C11orf16: variants seen among roughly 807,000 people sequenced by gnomAD.
C11orf16 encodes the protein chromosome 11 open reading frame 16.
Under a neutral mutation model 45.1 loss-of-function variants are expected in C11orf16, and 38 were observed. The ratio of observed to expected loss-of-function variants is 0.84; its 90% CI spans 0.65 to 1.10. The LOEUF (loss-of-function observed/expected upper bound fraction) is 1.10, where lower values mean the gene tolerates loss of function less well. Among genes scored for constraint, C11orf16 ranks in the 50% least tolerant of loss-of-function variants. C11orf16 has a pLI of 0.00. For synonymous variants in C11orf16, 221 were observed against 222.0 expected, an observed-to-expected ratio of 1.00 and a Z score of 0.04; for missense variants, 583 against 569.5, an observed-to-expected ratio of 1.02 and a Z score of -0.24.
chr11:8,927,554 C>G (rs767047911), intron 3 of C11orf16: 2 of 457,834 alleles, frequency 4.4e-6, no homozygotes, highest in South Asian at 3.1e-5. Context: ...TCCAGCACCC[C>G]CAAGAAGCGT....
Position 8,925,998 on chromosome 11 carries a change from C to G in C11orf16, c.669G>C (p.Glu223Asp). 6.2e-7 allele frequency: 1 copy of G among 1,614,144 alleles called. No homozygotes were observed. The highest frequency in any genetic ancestry group is 1.6e-4 in the Middle Eastern group (1 of 6,062). ...CCCTGGTGAAAGACTTGTGCAGCCT[C>G]TCCACAGCCTTCTTCCAGATGGTCA... ...VSLTIWKKAV[E>D]RLHKSFTREH... The change falls in exon 5 of 7, where the codon GAG becomes GAC. Residue 223 changes from glutamate (E) to aspartate (D), a missense_variant. By Grantham distance (45) the Glu-to-Asp change is conservative (BLOSUM62 2). Coordinates refer to ENST00000326053, the MANE Select transcript of C11orf16 (RefSeq NM_020643.3).
At chr11:8,932,374 G>T in intron 1 of C11orf16, 48 bp from the exon 2 acceptor site, 1 of 1,470,526 alleles carries the variant, frequency 6.8e-7, no homozygotes, top group South Asian at 1.4e-5. Flanking sequence ...GAAGCAAGCA[G>T]TGGCCACCGG....
intron 2 of C11orf16, among the ~76,000 whole-genome samples, chr11:8,931,312 C>T (rs184195898): frequency 6.6e-6 from 1 of 152,202 alleles, no homozygotes; most frequent in East Asian, 1.9e-4. Flanking sequence ...CAACCTCTGC[C>T]TCCCGAGTTC....
chr11:8,921,292 A>C lies in C11orf16; in HGVS notation c.*22+2T>G, dbSNP rs780755205. On this transcript the variant is annotated splice_donor_variant, in intron 6 of 6. Transcript: ENST00000326053. LOFTEE classifies it low-confidence loss of function (3UTR_SPLICE). ...AGCCCCTTTCCAGCCATTCTGCTTT[A>C]CCTAGATCCTCAGGGCTCTTAGTCT... The C allele has an allele frequency of 6.2e-7, 1 of 1,613,088 alleles. No individual in the cohort carries two copies. The highest frequency in any genetic ancestry group is 8.5e-7 in the Non-Finnish European group (1 of 1,179,066).
intron 1 of C11orf16, among the ~76,000 whole-genome samples, chr11:8,932,659 C>T (rs1196447748): frequency 1.3e-5 from 2 of 152,312 alleles, no homozygotes; most frequent in African/African-American, 2.4e-5. Context: ...AAGCACCTGG[C>T]GTATTCAGCA....
rs1455112260 is a variant in C11orf16, at chr11:8,925,708, C to CCT, written c.957_958dup (p.Gly320GlufsTer8). 1 of 1,614,122 alleles carries CCT rather than the reference C, an allele frequency of 6.2e-7. No homozygotes were observed. The highest frequency in any genetic ancestry group is 1.3e-5 in the African/African-American group (1 of 74,952). ...CATTGCTACTTTCTCCTCTTTAGGA[C>CCT]CTTCCAGGGGCAAAAGCTGTGCTGT... On this transcript the variant is annotated frameshift_variant, in exon 5 of 7. Coordinates refer to ENST00000326053, the MANE Select transcript of C11orf16 (RefSeq NM_020643.3). LOFTEE classifies it high-confidence loss of function.
intron 3 of C11orf16, 101 bp downstream of exon 3, chr11:8,929,276 G>T: frequency 7.9e-7 from 1 of 1,272,310 alleles, no homozygotes; most frequent in Non-Finnish European, 1.1e-6. Context: ...CTGTGCTTAT[G>T]CAAGAAACCA....
chr11:8,920,597 A>G, intron 6 of C11orf16, 147 bp from the exon 7 acceptor site: 1 of 532,878 alleles, frequency 1.9e-6, no homozygotes, highest in South Asian at 2.6e-5. Flanking sequence ...CAAGGCAGGA[A>G]GATCACTTGA....
At chr11:8,929,605 A>C in intron 2 of C11orf16, 72 bp from the exon 3 acceptor site, 1 of 1,392,668 alleles carries the variant, frequency 7.2e-7, no homozygotes, top group East Asian at 2.5e-5. Flanking sequence ...CACGTTTCGC[A>C]GGTACATCTG....
chr11:8,928,824 G>C (rs928164916), intron 3 of C11orf16: 5 of 152,796 alleles, frequency 3.3e-5, no homozygotes, highest in African/African-American at 1.2e-4. Flanking sequence ...ATATGTTGAA[G>C]TCCTAGCCCC....
At position 8,927,218 on chromosome 11, in the gene C11orf16, G is replaced by A. The variant is rs765898316; in HGVS notation, c.325-44C>T. On this transcript the variant is annotated intron_variant, in intron 3 of 6. Transcript: ENST00000326053. ...TCAGAATAAGACCTGGCATTACAAA[G>A]TACAATAGGGAGCACCCAGGTTCCC... 6 of 1,504,288 alleles carry A rather than the reference G, an allele frequency of 4.0e-6. No individual in the cohort carries two copies. The Admixed American group carries it at 1.1e-4, about 28-fold the overall frequency. 93.2% of individuals were successfully genotyped at this position (1,504,288 alleles called of 1,614,324 possible).
At position 8,929,357 on chromosome 11, in the gene C11orf16, T is replaced by C; in HGVS notation, c.324+20A>G. 1 of 1,610,678 alleles carries C rather than the reference T, an allele frequency of 6.2e-7. No homozygotes were observed. The highest frequency in any genetic ancestry group is 8.5e-7 in the Non-Finnish European group (1 of 1,178,208). The stretch of plus-strand genomic sequence containing the variant: ...CACCCAGAGGAGCACGCCAGGGAGA[T>C]ACTGGGGTCAGGGACTTGCCTCGGG... On this transcript the variant is annotated intron_variant, in intron 3 of 6. Transcript: ENST00000326053.
Position 8,921,466 on chromosome 11 carries a change from C to T in C11orf16, c.1254G>A (p.Gln418=). 2 of 1,614,190 alleles carry T rather than the reference C, an allele frequency of 1.2e-6. No homozygotes were observed. Among genetic ancestry groups the T allele is most frequent in the Non-Finnish European group, 1.7e-6 (2 of 1,180,018 alleles). Residue 418 remains glutamine, a synonymous_variant, in exon 6 of 7, where the codon CAG becomes CAA. Transcript: ENST00000326053. ...TCCCCACTACTGCAGTTTGTGCTCT[C>T]TGCTGTTTGTGATCCTTTTCTTCTT... ...ICKEEKDHKQ[Q]RAQTAVVGTT...
At chr11:8,928,152 C>A (rs1285596479) in intron 3 of C11orf16, among the ~76,000 whole-genome samples, 1 of 152,112 alleles carries the variant, frequency 6.6e-6, no homozygotes, top group Admixed American at 6.5e-5. Flanking sequence ...AGGTAACCCA[C>A]CCTTCTTGGT....
chr11:8,930,519 AT>A (rs1566114390), intron 2 of C11orf16, among the ~76,000 whole-genome samples: 1 of 151,446 alleles, frequency 6.6e-6, no homozygotes, highest in African/African-American at 2.4e-5. Context: ...TTGGATAGTA[AT>A]GCCGAGGGTG....
chr11:8,923,898 C>G (rs946590978), intron 5 of C11orf16, among the ~76,000 whole-genome samples: 1 of 132,010 alleles, frequency 7.6e-6, no homozygotes, highest in Non-Finnish European at 1.6e-5. Flanking sequence ...AGCCACTGTG[C>G]CCAGCGAAAT....
chr11:8,930,096 G>A (rs908589225), intron 2 of C11orf16, among the ~76,000 whole-genome samples: 1 of 151,292 alleles, frequency 6.6e-6, no homozygotes, highest in Non-Finnish European at 1.5e-5. Flanking sequence ...CTCCAGCCTG[G>A]GTGACAAGGT....
chr11:8,922,875 G>C (rs989554224), intron 5 of C11orf16, among the ~76,000 whole-genome samples: 2 of 152,180 alleles, frequency 1.3e-5, no homozygotes, highest in Non-Finnish European at 2.9e-5. Context: ...CTAGTGAGCA[G>C]GTAGTCCCAC....
Position 8,926,084 on chromosome 11 carries a change from C to T in C11orf16, c.583G>A (p.Val195Ile). 2 of 1,602,754 alleles carry T rather than the reference C, an allele frequency of 1.2e-6. No homozygotes were observed. Among genetic ancestry groups the T allele is most frequent in the East Asian group, 2.2e-5 (1 of 44,620 alleles). Residue 195 changes from valine (V) to isoleucine (I), a missense_variant, in exon 5 of 7, where the codon GTT (valine) becomes ATT (isoleucine). Transcript: ENST00000326053. ...GCAGCTTTGCCATTCCAGAAATGAA[C>T]AGTGATTTCTTTTTCCTTTGATGCT... ...QRASKEKEIT[V>I]HFWNGKAAKV...
Sources: gnomAD v4.1 joint callset for allele counts (sites outside exome capture counted in the v4.1 genomes callset) on GRCh38, gnomAD v4.1.1 for gene constraint, MANE v1.5 for transcripts, NCBI Gene and HGNC (gene_info 2026-07-23, HGNC 2026-07-21) for gene names.